PRORP: variants seen among roughly 807,000 people sequenced by gnomAD.
The protein encoded by PRORP is protein only RNase P catalytic subunit.
Under a neutral mutation model 59.4 loss-of-function variants are expected in PRORP, and 51 were observed. The observed-to-expected ratio is 0.86, with a 90% confidence interval of 0.69 to 1.08. PRORP has a LOEUF of 1.08. Ranked by LOEUF, PRORP falls within the 50% of genes least tolerant of loss-of-function variation. The pLI is 0.00. For synonymous variants in PRORP, 231 were observed against 245.6 expected, an observed-to-expected ratio of 0.94 and a Z score of 0.55; for missense variants, 646 against 690.3, an observed-to-expected ratio of 0.94 and a Z score of 0.72.
At chr14:35,172,528 C>CTCCCTCTCTCCCTCTA (rs2048348158) in intron 4 of PRORP, among the ~76,000 whole-genome samples, 1 of 137,042 alleles carries the variant, frequency 7.3e-6, no homozygotes, top group Non-Finnish European at 1.6e-5. Flanking sequence ...CTCTCCCTCT[C>CTCCCTCTCTCCCTCTA]TCTCCTGTCC....
rs964702864 is a variant in PRORP, at chr14:35,145,732, A to G, written c.1167+18121A>G. ...AGACTCCATCTCAAAAAAGAAAGAA[A>G]GAAGGAAGGAAGGAAGGAAGGAAGG... On this transcript the variant is annotated intron_variant, in intron 4 of 7. Transcript: ENST00000534898. 1.4e-4 allele frequency among the ~76,000 whole-genome samples: 18 copies of G among 127,758 alleles called. 3 individuals carry two copies. Among genetic ancestry groups the G allele is most frequent in the Non-Finnish European group, 2.1e-4 (12 of 56,372 alleles). 83.8% of individuals were successfully genotyped at this position (127,758 alleles called of 152,430 possible). A position where few individuals can be genotyped will look rare whatever the true frequency, so the allele number is the denominator to read the frequency against.
At chr14:35,208,423 GTAA>G (rs934421987) in intron 5 of PRORP, among the ~76,000 whole-genome samples, 23 of 152,194 alleles carry the variant, frequency 1.5e-4, no homozygotes, top group African/African-American at 3.4e-4. Context: ...ATCTCTAAAA[GTAA>G]TAATAATTTC....
At chr14:35,248,371 A>C (rs1258514275) in intron 5 of PRORP, among the ~76,000 whole-genome samples, 1 of 152,212 alleles carries the variant, frequency 6.6e-6, no homozygotes, top group Non-Finnish European at 1.5e-5. Context: ...TCCTCTGGAT[A>C]CACCACCAGA....
intron 5 of PRORP, among the ~76,000 whole-genome samples, chr14:35,250,074 C>T (rs1054331536): frequency 1.3e-5 from 2 of 151,874 alleles, no homozygotes; most frequent in Non-Finnish European, 2.9e-5. Context: ...ATGGCGAAAC[C>T]CTGTCTCTAT....
At chr14:35,203,933 C>T (rs1000577024) in intron 5 of PRORP, among the ~76,000 whole-genome samples, 2 of 152,152 alleles carry the variant, frequency 1.3e-5, no homozygotes, top group Admixed American at 6.6e-5. Context: ...AACAAAAATT[C>T]TCCTTTGAAG....
At chr14:35,255,760 A>G (rs1344178579) in intron 5 of PRORP, among the ~76,000 whole-genome samples, 1 of 152,160 alleles carries the variant, frequency 6.6e-6, no homozygotes, top group Non-Finnish European at 1.5e-5. Context: ...CAATCGGTAA[A>G]ATCTAAATGG....
In PRORP at chr14:35,123,084, C is replaced by T. The variant is rs190568010; in HGVS notation, c.-162C>T. On this transcript the variant is annotated 5_prime_UTR_variant, in exon 2 of 8. Coordinates refer to ENST00000534898, the MANE Select transcript of PRORP (RefSeq NM_014672.4). ...ACCTGCCTTCTTGCTTTTAAGTAGC[C>T]CCAAAAGCAGAACCTTGATTTGTCT... is the stretch of plus-strand genomic sequence containing the variant. 4 of 733,256 alleles carry T rather than the reference C, an allele frequency of 5.5e-6. No individual in the cohort carries two copies. In the East Asian group the frequency reaches 8.1e-5, roughly 15 times the overall value. 45.4% of individuals were successfully genotyped at this position (733,256 alleles called of 1,614,324 possible). A position where few individuals can be genotyped will look rare whatever the true frequency, so the allele number is the denominator to read the frequency against.
chr14:35,272,375 G>A (rs1326160118), intron 7 of PRORP, among the ~76,000 whole-genome samples: 5 of 152,262 alleles, frequency 3.3e-5, no homozygotes, highest in African/African-American at 1.2e-4. Flanking sequence ...CACTTTGGGA[G>A]GCCGAAGCAG....
At chr14:35,214,151 C>T (rs1244550751) in intron 5 of PRORP, among the ~76,000 whole-genome samples, 1 of 152,124 alleles carries the variant, frequency 6.6e-6, no homozygotes, top group Non-Finnish European at 1.5e-5. Flanking sequence ...AAGAGGAAAA[C>T]AGCATGTTCT....
At chr14:35,179,467 T>C (rs2048542154) in intron 4 of PRORP, among the ~76,000 whole-genome samples, 1 of 152,194 alleles carries the variant, frequency 6.6e-6, no homozygotes, top group Non-Finnish European at 1.5e-5. Context: ...AAACTTCTCA[T>C]CTTGCTTCAT....
At chr14:35,261,447 G>A (rs553068734) in intron 5 of PRORP, among the ~76,000 whole-genome samples, 4 of 152,210 alleles carry the variant, frequency 2.6e-5, no homozygotes, top group African/African-American at 9.6e-5. Flanking sequence ...ATTATTCCAA[G>A]TAGCCAGGCG....
intron 4 of PRORP, among the ~76,000 whole-genome samples, chr14:35,167,641 A>G (rs1364697132): frequency 6.6e-6 from 1 of 152,196 alleles, no homozygotes; most frequent in Admixed American, 6.5e-5. Context: ...TTTGGCTTCC[A>G]TGGTTTAAAG....
chr14:35,173,907 G>A (rs569494472), intron 4 of PRORP, among the ~76,000 whole-genome samples: 2 of 151,986 alleles, frequency 1.3e-5, no homozygotes, highest in Non-Finnish European at 2.9e-5. Flanking sequence ...CATCGGTGTG[G>A]TGATTGATGC....
intron 5 of PRORP, among the ~76,000 whole-genome samples, chr14:35,230,938 AAC>A (rs60270535): frequency 0.081 from 11,634 of 144,340 alleles, 521 homozygotes; most frequent in African/African-American, 0.14. Flanking sequence ...AGGAAAAGAG[AAC>A]ACACACACAC....
chr14:35,180,323 T>A (rs1294585606), intron 4 of PRORP, among the ~76,000 whole-genome samples: 2 of 152,198 alleles, frequency 1.3e-5, no homozygotes, highest in Non-Finnish European at 2.9e-5. Context: ...TATTCGGCCA[T>A]CTTGGAACCG....
intron 4 of PRORP, among the ~76,000 whole-genome samples, chr14:35,128,849 T>C (rs1340998143): frequency 6.6e-6 from 1 of 152,158 alleles, no homozygotes; most frequent in Admixed American, 6.5e-5. Context: ...CTGATCTTTA[T>C]TATTTAGTCT....
chr14:35,185,182 T>A (rs988683709), intron 5 of PRORP, among the ~76,000 whole-genome samples: 1 of 152,164 alleles, frequency 6.6e-6, no homozygotes, highest in African/African-American at 2.4e-5. Flanking sequence ...CTCACCAGCA[T>A]GTATTATTTT....
chr14:35,127,455 A>G, intron 3 of PRORP, 24 bp from the exon 4 acceptor site: 1 of 1,480,966 alleles, frequency 6.8e-7, no homozygotes, highest in Non-Finnish European at 9.0e-7. Flanking sequence ...TTTAAATATT[A>G]TTATTTAACA....
At chr14:35,223,456 CTTTT>C (rs5807819) in intron 5 of PRORP, among the ~76,000 whole-genome samples, 4 of 81,434 alleles carry the variant, frequency 4.9e-5, no homozygotes, top group Non-Finnish European at 7.1e-5. Context: ...TAGACTTTAA[CTTTT>C]TTTTTTTTTT....
Sources: allele counts gnomAD v4.1 joint callset (sites outside exome capture counted in the v4.1 genomes callset), GRCh38; gene constraint gnomAD v4.1.1; transcripts MANE v1.5; gene names NCBI Gene and HGNC (gene_info 2026-07-23, HGNC 2026-07-21).